Variants in TRAPPC9 observed in about 807,000 individuals in gnomAD.
The protein encoded by TRAPPC9 is IKK2 binding protein.
TRAPPC9 carries 83 observed loss-of-function variants against 124.0 expected under a neutral mutation model. That is an observed-to-expected ratio of 0.67 (90% confidence interval 0.56 to 0.80). TRAPPC9 has a LOEUF of 0.80. TRAPPC9 is among the 30% of genes least tolerant of loss of function. The pLI is 0.00. For synonymous variants in TRAPPC9, 638 were observed against 617.5 expected, an observed-to-expected ratio of 1.03 and a Z score of -0.49; for missense variants, 1,302 against 1,508.3, an observed-to-expected ratio of 0.86 and a Z score of 2.27.
chr8:140,065,046 A>C (rs1842839054), intron 17 of TRAPPC9, among the ~76,000 whole-genome samples: 1 of 152,360 alleles, frequency 6.6e-6, no homozygotes, highest in East Asian at 1.9e-4. Flanking sequence ...TGATCTTGGC[A>C]GTAAGATATC....
At chr8:140,232,936 C>T in intron 16 of TRAPPC9, among the ~76,000 whole-genome samples, 1 of 152,192 alleles carries the variant, frequency 6.6e-6, no homozygotes. Flanking sequence ...TGTGCTTGTT[C>T]TCCTTTTAGA....
chr8:140,175,217 A>G lies in TRAPPC9; in HGVS notation c.2556+46242T>C, dbSNP rs1240598767. Among the ~76,000 whole-genome samples the G allele has an allele frequency of 2.0e-5, 3 of 152,020 alleles. No homozygotes were observed. In the East Asian group the frequency reaches 5.8e-4, roughly 29 times the overall value. On this transcript the variant is annotated intron_variant, in intron 17 of 22. Transcript: ENST00000438773. ...ACAGCTAACAGGAAAATCAGCCAAC[A>G]AAAGGATGCCAAAGAAAATTCATCC...
chr8:140,022,373 G>A (rs898144470), intron 18 of TRAPPC9, among the ~76,000 whole-genome samples: 1 of 152,132 alleles, frequency 6.6e-6, no homozygotes, highest in African/African-American at 2.4e-5. Context: ...AAAAGAAAAG[G>A]GAGCAAGGGC....
intron 19 of TRAPPC9, among the ~76,000 whole-genome samples, chr8:139,921,258 C>T (rs763008172): frequency 9.9e-5 from 15 of 152,206 alleles, no homozygotes; most frequent in Admixed American, 7.2e-4. Flanking sequence ...ACAGGGATGC[C>T]GCCCAGGGCC....
chr8:140,258,052 C>A (rs1207367597), intron 15 of TRAPPC9, among the ~76,000 whole-genome samples: 1 of 152,230 alleles, frequency 6.6e-6, no homozygotes, highest in Non-Finnish European at 1.5e-5. Flanking sequence ...TCTCCCAGGG[C>A]TCATGGTCTG....
intron 17 of TRAPPC9, among the ~76,000 whole-genome samples, chr8:140,134,851 T>C (rs186866380): frequency 6.6e-6 from 1 of 152,166 alleles, no homozygotes; most frequent in East Asian, 1.9e-4. Context: ...CTTTGGTGAA[T>C]CAAAGGATAT....
intron 21 of TRAPPC9, among the ~76,000 whole-genome samples, chr8:139,829,699 G>A (rs1026857986): frequency 1.4e-4 from 22 of 152,220 alleles, no homozygotes; most frequent in African/African-American, 5.3e-4. Context: ...CCCAAATATT[G>A]TAACACAAGA....
chr8:140,318,463 C>T (rs2066498309), intron 9 of TRAPPC9, among the ~76,000 whole-genome samples: 2 of 152,102 alleles, frequency 1.3e-5, no homozygotes, highest in South Asian at 4.1e-4. Flanking sequence ...CAACAGATCT[C>T]AAAAAAAGTC....
At chr8:139,832,269 T>C (rs1391066216) in intron 21 of TRAPPC9, among the ~76,000 whole-genome samples, 2 of 152,172 alleles carry the variant, frequency 1.3e-5, no homozygotes, top group East Asian at 1.9e-4. Flanking sequence ...CCAGTAAAAA[T>C]AGCTACATTT....
intron 9 of TRAPPC9, among the ~76,000 whole-genome samples, chr8:140,313,555 G>T (rs992599736): frequency 1.3e-5 from 2 of 152,174 alleles, no homozygotes; most frequent in East Asian, 3.9e-4. Context: ...TGCTGTGGAG[G>T]AATGTCCTAT....
intron 17 of TRAPPC9, among the ~76,000 whole-genome samples, chr8:140,118,446 TAGTG>T (rs1342182085): frequency 6.6e-6 from 1 of 152,232 alleles, no homozygotes; most frequent in Non-Finnish European, 1.5e-5. Context: ...CTGAGTATCT[TAGTG>T]GACACCCTGT....
In TRAPPC9 at chr8:140,287,622, G is replaced by A. The variant is rs142456129; in HGVS notation, c.1967C>T (p.Thr656Met). The A allele has an allele frequency of 1.7e-5, 28 of 1,614,008 alleles. No homozygotes were observed. The highest frequency in any genetic ancestry group is 1.1e-4 in the African/African-American group (8 of 74,916). ...TLVGVPQTTG[T>M]ITVNGYHTTV... ...ACTCTCCTTACCGTTCACAGTAATC[G>A]TTCCAGTCGTCTGCGGGACCCCGAC... The change falls in exon 13 of 23, where the codon ACG (threonine) becomes ATG (methionine). Residue 656 changes from threonine to methionine, a missense_variant. By Grantham distance (81) the Thr-to-Met change is moderately conservative. Coordinates refer to ENST00000438773, the MANE Select transcript of TRAPPC9 (RefSeq NM_001160372.4).
At chr8:140,222,909 G>A (rs2063369136) in intron 16 of TRAPPC9, among the ~76,000 whole-genome samples, 1 of 152,220 alleles carries the variant, frequency 6.6e-6, no homozygotes, top group African/African-American at 2.4e-5. Flanking sequence ...TAAGATACAT[G>A]CAACAGCAGA....
At chr8:140,333,271 TTA>T (rs1488596808) in intron 9 of TRAPPC9, among the ~76,000 whole-genome samples, 1 of 152,246 alleles carries the variant, frequency 6.6e-6, no homozygotes, top group African/African-American at 2.4e-5. Flanking sequence ...TTTTTCCTGT[TTA>T]TGTTTTCCAA....
In TRAPPC9 at chr8:140,138,458, C is replaced by G. The variant is rs542404326; in HGVS notation, c.2556+83001G>C. On this transcript the variant is annotated intron_variant, in intron 17 of 22. Coordinates refer to ENST00000438773, the MANE Select transcript of TRAPPC9 (RefSeq NM_001160372.4). The stretch of plus-strand genomic sequence containing the variant: ...CGGGAGAGGTAAAAAGGATGCCCCA[C>G]GTCCTAAAGGCCCTTTCTAAAGTAG... Among the ~76,000 whole-genome samples the G allele has an allele frequency of 3.0e-4, 45 of 152,306 alleles. No homozygotes were observed. In the South Asian group the frequency reaches 9.3e-3, roughly 32 times the overall value.
At chr8:140,159,456 T>C (rs1373581771) in intron 17 of TRAPPC9, among the ~76,000 whole-genome samples, 4 of 152,206 alleles carry the variant, frequency 2.6e-5, no homozygotes, top group Non-Finnish European at 5.9e-5. Context: ...CATCTGCCGA[T>C]GTCTCCTCTG....
At chr8:139,757,750 G>T (rs1433583072) in intron 21 of TRAPPC9, among the ~76,000 whole-genome samples, 1 of 152,112 alleles carries the variant, frequency 6.6e-6, no homozygotes, top group Non-Finnish European at 1.5e-5. Context: ...GGCCTGGTGG[G>T]CTGAGTGCAG....
chr8:140,051,721 C>A (rs1842018756), intron 17 of TRAPPC9, among the ~76,000 whole-genome samples: 1 of 151,624 alleles, frequency 6.6e-6, no homozygotes, highest in African/African-American at 2.4e-5. Flanking sequence ...TTTAAGGATG[C>A]ATCGTAAGGA....
intron 20 of TRAPPC9, among the ~76,000 whole-genome samples, chr8:139,887,711 C>T (rs932060035): frequency 1.3e-5 from 2 of 152,198 alleles, no homozygotes; most frequent in African/African-American, 4.8e-5. Context: ...AGAAAGTGTG[C>T]ATGCATCCCA....
Sources: allele counts gnomAD v4.1 joint callset (sites outside exome capture counted in the v4.1 genomes callset), GRCh38; gene constraint gnomAD v4.1.1; transcripts MANE v1.5; gene names NCBI Gene and HGNC (gene_info 2026-07-23, HGNC 2026-07-21).